Variants in PATL2 observed in about 807,000 individuals in gnomAD.
PATL2 encodes protein PAT1 homolog 2.
PATL2 carries 73 observed loss-of-function variants against 77.0 expected under a neutral mutation model. The ratio of observed to expected loss-of-function variants is 0.95; its 90% CI spans 0.78 to 1.15. The LOEUF (loss-of-function observed/expected upper bound fraction) is 1.15, where lower values mean the gene tolerates loss of function less well. Ranked by LOEUF, PATL2 falls within the 50% of genes most tolerant of loss-of-function variation. The probability of loss-of-function intolerance (pLI) is 0.00; values close to 1 mark genes in which losing one functional copy is unlikely to be tolerated. For synonymous variants in PATL2, 265 were observed against 257.1 expected, an observed-to-expected ratio of 1.03 and a Z score of -0.29; for missense variants, 618 against 655.4, an observed-to-expected ratio of 0.94 and a Z score of 0.62.
intron 3 of PATL2, among the ~76,000 whole-genome samples, chr15:44,683,932 G>A (rs1431258378): frequency 6.6e-6 from 1 of 152,104 alleles, no homozygotes; most frequent in Non-Finnish European, 1.5e-5. Context: ...TGCAGTCTCC[G>A]CTGGTGATAC....
At chr15:44,710,966 AC>A in intron 1 of PATL2, 37 bp from the exon 2 acceptor site, 1 of 175,378 alleles carries the variant, frequency 5.7e-6, no homozygotes, top group East Asian at 1.5e-4. Flanking sequence ...GTACTCTTTC[AC>A]TAGGACCTTC....
chr15:44,680,723 C>A (rs1418722394), intron 3 of PATL2, among the ~76,000 whole-genome samples: 1 of 152,144 alleles, frequency 6.6e-6, no homozygotes, highest in Non-Finnish European at 1.5e-5. Context: ...CCTAACAAAC[C>A]AAACTTCTCC....
intron 9 of PATL2, among the ~76,000 whole-genome samples, chr15:44,671,369 A>G (rs1400061042): frequency 6.6e-6 from 1 of 152,126 alleles, no homozygotes. Context: ...CATGCCTGTG[A>G]TCCCAGGTAC....
intron 3 of PATL2, among the ~76,000 whole-genome samples, chr15:44,704,100 C>T (rs925964272): frequency 6.6e-6 from 1 of 151,600 alleles, no homozygotes; most frequent in African/African-American, 2.4e-5. Context: ...GTGATCTGCC[C>T]ATCTCAGCCT....
intron 3 of PATL2, among the ~76,000 whole-genome samples, chr15:44,684,872 A>G (rs1430661866): frequency 1.3e-5 from 2 of 152,226 alleles, no homozygotes; most frequent in Non-Finnish European, 2.9e-5. Flanking sequence ...CCAGAAAGGT[A>G]AGTCCATCAG....
In PATL2 at chr15:44,669,525, T is replaced by A; in HGVS notation, c.915A>T (p.Leu305Phe). The change falls in exon 12 of 18, where the codon TTA (leucine) becomes TTT (phenylalanine). Residue 305 changes from leucine (L) to phenylalanine (F), a missense_variant. Coordinates refer to ENST00000682850, the MANE Select transcript of PATL2 (RefSeq NM_001387263.1). Reference sequence around the variant, plus strand: ...GATATCTCACCTTCTCAATCCGGTATAATACCCGAAGCCTCTGACTGCTTG... The same window carrying A: ...GATATCTCACCTTCTCAATCCGGTAAAATACCCGAAGCCTCTGACTGCTTG... Reference protein sequence around the residue: ...EAASSQRLRVLYRIEKMFLQL... With the variant: ...EAASSQRLRVFYRIEKMFLQL... The A allele has an allele frequency of 1.9e-6, 3 of 1,551,408 alleles. No homozygotes were observed. The highest frequency in any genetic ancestry group is 2.6e-6 in the Non-Finnish European group (3 of 1,146,920).
At chr15:44,668,887 CTGGCATCTCTG>C in intron 14 of PATL2, 82 bp downstream of exon 14, 1 of 1,394,458 alleles carries the variant, frequency 7.2e-7, no homozygotes. Flanking sequence ...AGCACCTTCT[CTGGCATCTCTG>C]GGGCATGTGG....
chr15:44,710,886 A>G lies in PATL2; in HGVS notation c.-210T>C, dbSNP rs2086847614. ...AGAAAATTACCTAAACAGCAAGGAC[A>G]TAGGGAGGAACTTCTTGGCACAGAA... On this transcript the variant is annotated 5_prime_UTR_variant, in exon 2 of 18. The change abolishes an upstream ATG in the 5' untranslated region. Transcript: ENST00000682850. 1 of 150,438 alleles carries G rather than the reference A, an allele frequency of 6.6e-6. No individual in the cohort carries two copies. Among genetic ancestry groups the G allele is most frequent in the African/African-American group, 2.5e-5 (1 of 40,312 alleles). 9.3% of individuals were successfully genotyped at this position (150,438 alleles called of 1,614,324 possible). A position where few individuals can be genotyped will look rare whatever the true frequency, so the allele number is the denominator to read the frequency against.
intron 4 of PATL2, 129 bp from the exon 5 acceptor site, chr15:44,675,820 C>T (rs570540372): frequency 2.5e-6 from 2 of 784,868 alleles, no homozygotes; most frequent in South Asian, 1.9e-5. Flanking sequence ...AACATAACGC[C>T]TCCTGTTCTG....
At chr15:44,677,030 T>A (rs1259668838) in intron 3 of PATL2, 1 of 554,778 alleles carries the variant, frequency 1.8e-6, no homozygotes, top group African/African-American at 2.0e-5. Flanking sequence ...AGAACATAGT[T>A]TAATGATTAA....
chr15:44,682,116 C>T (rs1211601255), intron 3 of PATL2, among the ~76,000 whole-genome samples: 3 of 152,150 alleles, frequency 2.0e-5, no homozygotes, highest in Non-Finnish European at 4.4e-5. Flanking sequence ...TGTATCTTAG[C>T]AGGTAATATG....
At chr15:44,699,997 C>T (rs376676978) in intron 3 of PATL2, among the ~76,000 whole-genome samples, 1 of 151,984 alleles carries the variant, frequency 6.6e-6, no homozygotes, top group Non-Finnish European at 1.5e-5. Context: ...TTTGTGGTTC[C>T]ATATAAATTT....
intron 5 of PATL2, 124 bp downstream of exon 5, chr15:44,675,362 A>AG: frequency 1.8e-6 from 2 of 1,134,276 alleles, no homozygotes; most frequent in Non-Finnish European, 2.5e-6. Context: ...AGGCTTAAAA[A>AG]GAAAGTGTTA....
At chr15:44,705,402 G>A (rs568727577) in intron 3 of PATL2, among the ~76,000 whole-genome samples, 3 of 152,176 alleles carry the variant, frequency 2.0e-5, no homozygotes, top group Non-Finnish European at 2.9e-5. Flanking sequence ...GGCTGCTCTC[G>A]AACTCCTGAC....
At chr15:44,694,648 C>T (rs947961068) in intron 3 of PATL2, among the ~76,000 whole-genome samples, 2 of 152,142 alleles carry the variant, frequency 1.3e-5, no homozygotes, top group Non-Finnish European at 1.5e-5. Flanking sequence ...CAGCATTCAT[C>T]GAAATGAGTC....
chr15:44,688,232 C>A (rs1272967806), intron 3 of PATL2, among the ~76,000 whole-genome samples: 3 of 135,738 alleles, frequency 2.2e-5, no homozygotes, highest in African/African-American at 8.5e-5. Flanking sequence ...GGTGACAGAG[C>A]GAGACTCTGT....
At chr15:44,709,387 C>T (rs899213192) in intron 3 of PATL2, among the ~76,000 whole-genome samples, 7 of 152,062 alleles carry the variant, frequency 4.6e-5, no homozygotes, top group Non-Finnish European at 1.0e-4. Flanking sequence ...AGCTATTAAA[C>T]TGTCATATTT....
chr15:44,684,888 C>G (rs142026536), intron 3 of PATL2, among the ~76,000 whole-genome samples: 244 of 152,334 alleles, frequency 1.6e-3, no homozygotes, highest in African/African-American at 5.6e-3. Context: ...ATCAGACTAA[C>G]AGTGGATCTC....
At chr15:44,685,976 A>T (rs2141236208) in intron 3 of PATL2, among the ~76,000 whole-genome samples, 1 of 152,266 alleles carries the variant, frequency 6.6e-6, no homozygotes, top group Non-Finnish European at 1.5e-5. Flanking sequence ...TTAACACCCC[A>T]CTGTCAATAT....
Sources: gnomAD v4.1 joint callset for allele counts (sites outside exome capture counted in the v4.1 genomes callset) on GRCh38, gnomAD v4.1.1 for gene constraint, MANE v1.5 for transcripts, NCBI Gene and HGNC (gene_info 2026-07-23, HGNC 2026-07-21) for gene names.